The following MPHOSPH9 variants were observed in gnomAD, a reference collection of about 807,000 sequenced individuals.
The protein encoded by MPHOSPH9 is M-phase phosphoprotein 9.
Under a neutral mutation model 145.5 loss-of-function variants are expected in MPHOSPH9, and 88 were observed. The ratio of observed to expected loss-of-function variants is 0.60; its 90% CI spans 0.51 to 0.72. The LOEUF is 0.72. Among genes scored for constraint, MPHOSPH9 ranks in the 30% least tolerant of loss-of-function variants. The pLI is 0.00. For missense variants in MPHOSPH9, 1,238 were observed against 1,386.6 expected, an observed-to-expected ratio of 0.89 and a Z score of 1.70; for synonymous variants, 435 against 486.2, an observed-to-expected ratio of 0.89 and a Z score of 1.39.
intron 7 of MPHOSPH9, among the ~76,000 whole-genome samples, chr12:123,211,385 T>C (rs2046707462): frequency 6.6e-6 from 1 of 152,124 alleles, no homozygotes; most frequent in Non-Finnish European, 1.5e-5. Flanking sequence ...CCTCCCAAAG[T>C]GCTGGGATTA....
Position 123,227,616 on chromosome 12 carries a change from T to A in MPHOSPH9, c.105A>T (p.Arg35Ser). 2 of 1,502,638 alleles carry A rather than the reference T, an allele frequency of 1.3e-6. No homozygotes were observed. The highest frequency in any genetic ancestry group is 1.8e-6 in the Non-Finnish European group (2 of 1,134,140). 93.1% of individuals were successfully genotyped at this position (1,502,638 alleles called of 1,614,324 possible). Residue 35 changes from arginine to serine, a missense_variant and splice_region_variant, in exon 3 of 24, where the codon AGA (arginine) becomes AGT (serine). Around this residue, in one of 3 missense-constraint regions of MPHOSPH9, gnomAD observed 837 missense variants for 897.5 expected, o/e 0.93. Transcript: ENST00000606320. Reference sequence around the variant, plus strand: ...CATTTGTACTAAGGTGGGGACTACTTCTGTTGAAACATAAATAATTCAAAT... The same window carrying A: ...CATTTGTACTAAGGTGGGGACTACTACTGTTGAAACATAAATAATTCAAAT... Reference protein sequence around the residue: ...HSLGLNLNTDRSSPHLSTNGV... With the variant: ...HSLGLNLNTDSSSPHLSTNGV...
chr12:123,233,261 G>A (rs1036618912), upstream of MPHOSPH9: 5 of 152,348 alleles, frequency 3.3e-5, no homozygotes, highest in Non-Finnish European at 7.3e-5. Context: ...ACCAAAGAGA[G>A]ACATCCAACC....
chr12:123,240,430 G>C (rs1351748995), intron 1 of MPHOSPH9: 1 of 152,056 alleles, frequency 6.6e-6, no homozygotes, highest in Non-Finnish European at 1.5e-5. Context: ...AGACTCCCAG[G>C]TGATTTGTAT....
At chr12:123,174,554 A>G (rs1265064976) in intron 16 of MPHOSPH9, among the ~76,000 whole-genome samples, 1 of 151,680 alleles carries the variant, frequency 6.6e-6, no homozygotes, top group Non-Finnish European at 1.5e-5. Flanking sequence ...TTGTATTTTT[A>G]GTAGAGATGG....
At chr12:123,219,707 T>G (rs1163230130) in intron 5 of MPHOSPH9, among the ~76,000 whole-genome samples, 1 of 152,276 alleles carries the variant, frequency 6.6e-6, no homozygotes, top group East Asian at 1.9e-4. Flanking sequence ...TCATTATACT[T>G]GAACATACAT....
chr12:123,156,482 A>C lies in MPHOSPH9; in HGVS notation c.*325T>G, dbSNP rs2043869846. On this transcript the variant is annotated 3_prime_UTR_variant, in exon 24 of 24. Coordinates refer to ENST00000606320, the MANE Select transcript of MPHOSPH9 (RefSeq NM_022782.4). ...AAGTCTATAAAATTGATGTGCAGTT[A>C]ATTGTAAAAGGATAACACTATTTGT... 5.5e-6 allele frequency: 1 copy of C among 180,632 alleles called. No homozygotes were observed. Among genetic ancestry groups the C allele is most frequent in the Non-Finnish European group, 1.2e-5 (1 of 85,320 alleles). 11.2% of individuals were successfully genotyped at this position (180,632 alleles called of 1,614,324 possible). A position where few individuals can be genotyped will look rare whatever the true frequency, so the allele number is the denominator to read the frequency against.
At chr12:123,237,066 C>G (rs1249092254), upstream of MPHOSPH9, among the ~76,000 whole-genome samples, 1 of 151,734 alleles carries the variant, frequency 6.6e-6, no homozygotes, top group Non-Finnish European at 1.5e-5. Flanking sequence ...GGCTGGGTGA[C>G]AGAGTGAGAC....
At chr12:123,201,528 C>T (rs1042806402) in intron 11 of MPHOSPH9, among the ~76,000 whole-genome samples, 2 of 152,006 alleles carry the variant, frequency 1.3e-5, no homozygotes, top group African/African-American at 2.4e-5. Flanking sequence ...CACAGGTACA[C>T]GCCACCATGC....
At chr12:123,186,227 CAAA>C (rs35294099) in intron 13 of MPHOSPH9, among the ~76,000 whole-genome samples, 9,665 of 100,162 alleles carry the variant, frequency 0.096, 272 homozygotes, top group East Asian at 0.24. Flanking sequence ...AACTCCGTCT[CAAA>C]AAAAAAAAAA....
At chr12:123,162,052 G>C in intron 21 of MPHOSPH9, 63 bp downstream of exon 21, 1 of 1,059,106 alleles carries the variant, frequency 9.4e-7, no homozygotes, top group Non-Finnish European at 1.4e-6. Context: ...AACACTGAGA[G>C]ATACCAGAAT....
Position 123,221,791 on chromosome 12 carries a change from A to C in MPHOSPH9, c.453T>G (p.Ser151Arg), listed in dbSNP as rs755628927. Residue 151 changes from serine to arginine, a missense_variant, in exon 5 of 24, where the codon AGT (serine) becomes AGG (arginine). Physicochemically the swap from Ser to Arg is moderately radical, Grantham distance 110. Around this residue, in one of 3 missense-constraint regions of MPHOSPH9, gnomAD observed 837 missense variants for 897.5 expected, o/e 0.93. Transcript: ENST00000606320. Reference protein sequence around the residue: ...NSSNKQVSSESQMGFFSLSSE... With the variant: ...NSSNKQVSSERQMGFFSLSSE... ...TGCTTAGAGAAAAAAAACCCATTTG[A>C]CTTTCCGAAGATACTTGTTTGTTTG... The C allele has an allele frequency of 6.2e-7, 1 of 1,614,096 alleles. No homozygotes were observed. Among genetic ancestry groups the C allele is most frequent in the Non-Finnish European group, 8.5e-7 (1 of 1,180,030 alleles).
rs958436984 is a variant in MPHOSPH9 at position 123,159,481 on chromosome 12, T to G, written c.3450+1300A>C. Among the ~76,000 whole-genome samples, 3 of 151,698 alleles carry G rather than the reference T, an allele frequency of 2.0e-5. No individual in the cohort carries two copies. Among genetic ancestry groups the G allele is most frequent in the African/African-American group, 7.3e-5 (3 of 41,252 alleles). On this transcript the variant is annotated intron_variant, in intron 23 of 23. Coordinates refer to ENST00000606320, the MANE Select transcript of MPHOSPH9 (RefSeq NM_022782.4). The surrounding 1 kb of genome is among the most constrained non-coding windows in gnomAD (Gnocchi z 4.3). The stretch of plus-strand genomic sequence containing the variant: ...CCTGGCCATGGCAGGTTTTTTTTTG[T>G]TTTTTTTGTTGTTGTTGTTTTCCCA...
Position 123,165,294 on chromosome 12 carries a change from A to G in MPHOSPH9, c.2767+8T>C. The G allele has an allele frequency of 6.2e-7, 1 of 1,603,760 alleles. No homozygotes were observed. ...ATATCCATCTATCTCAAACAAGGAAATACTCACTATTTGAGGTGTCCTCTT... is the reference window on the plus strand; with the variant it reads ...ATATCCATCTATCTCAAACAAGGAAGTACTCACTATTTGAGGTGTCCTCTT... On this transcript the variant is annotated splice_region_variant and intron_variant, in intron 18 of 23. Coordinates refer to ENST00000606320, the MANE Select transcript of MPHOSPH9 (RefSeq NM_022782.4).
intron 12 of MPHOSPH9, among the ~76,000 whole-genome samples, chr12:123,196,507 T>C (rs1385116149): frequency 6.6e-6 from 1 of 152,176 alleles, no homozygotes; most frequent in African/African-American, 2.4e-5. Context: ...TGAGAAACTT[T>C]TGACCCTTAA....
chr12:123,217,553 G>T (rs1269524698), intron 6 of MPHOSPH9, among the ~76,000 whole-genome samples: 1 of 152,020 alleles, frequency 6.6e-6, no homozygotes, highest in Non-Finnish European at 1.5e-5. Context: ...TAAATTATTT[G>T]AAAGTTTATT....
intron 8 of MPHOSPH9, among the ~76,000 whole-genome samples, chr12:123,209,715 G>A (rs1379339606): frequency 4.0e-5 from 6 of 150,478 alleles, no homozygotes; most frequent in African/African-American, 7.3e-5. Context: ...CCCAGTCCAC[G>A]GTGTGTGTGT....
intron 16 of MPHOSPH9, among the ~76,000 whole-genome samples, chr12:123,171,535 G>T (rs1339170716): frequency 1.3e-5 from 2 of 152,016 alleles, no homozygotes; most frequent in East Asian, 3.9e-4. Flanking sequence ...GATCACTTGA[G>T]GTCAGGAGTT....
intron 8 of MPHOSPH9, among the ~76,000 whole-genome samples, chr12:123,205,298 C>T (rs1444585270): frequency 6.6e-6 from 1 of 152,198 alleles, no homozygotes; most frequent in Non-Finnish European, 1.5e-5. Context: ...GTAATCCCAA[C>T]ACTTTGGGAG....
intron 13 of MPHOSPH9, among the ~76,000 whole-genome samples, chr12:123,185,465 C>T (rs533418158): frequency 1.0e-3 from 158 of 152,174 alleles, no homozygotes; most frequent in African/African-American, 3.6e-3. Context: ...CAATGTGGGC[C>T]AGGCACATTG....
Sources: allele counts gnomAD v4.1 joint callset (sites outside exome capture counted in the v4.1 genomes callset), GRCh38; gene constraint gnomAD v4.1.1; regional missense constraint gnomAD v4.1.1; non-coding constraint Gnocchi (gnomAD v3.1); transcripts MANE v1.5; gene names NCBI Gene and HGNC (gene_info 2026-07-23, HGNC 2026-07-21).